Variants in SRPK2 observed in about 807,000 individuals in gnomAD.
The protein encoded by SRPK2 is SFRS protein kinase 2.
SRPK2 carries 21 observed loss-of-function variants against 90.8 expected under a neutral mutation model. That is an observed-to-expected ratio of 0.23 (90% CI 0.16 to 0.33). The LOEUF (loss-of-function observed/expected upper bound fraction) is 0.33. Among genes scored for constraint, SRPK2 ranks in the 10% least tolerant of loss-of-function variants. The pLI is 1.00. For synonymous variants in SRPK2, 288 were observed against 311.1 expected, an observed-to-expected ratio of 0.93 and a Z score of 0.78; for missense variants, 620 against 869.0, an observed-to-expected ratio of 0.71 and a Z score of 3.60.
At chr7:105,371,611 T>C (rs576657193) in intron 2 of SRPK2, among the ~76,000 whole-genome samples, 32 of 141,666 alleles carry the variant, frequency 2.3e-4, no homozygotes, top group South Asian at 2.0e-3. Flanking sequence ...AAAACACTAG[T>C]CAGGTATGGT....
chr7:105,299,315 G>A (rs1243651370), intron 2 of SRPK2, among the ~76,000 whole-genome samples: 2 of 152,150 alleles, frequency 1.3e-5, no homozygotes, highest in Non-Finnish European at 2.9e-5. Flanking sequence ...ATTATGAGTG[G>A]AGTCAGGTGG....
rs1821992552 is a variant in SRPK2, at chr7:105,388,885, T to G, written c.-79A>C. The G allele has an allele frequency of 8.0e-7, 1 of 1,242,332 alleles. No individual in the cohort carries two copies. The highest frequency in any genetic ancestry group is 1.0e-6 in the Non-Finnish European group (1 of 996,832). The allele number at this position is 1,242,332 out of a possible 1,614,324, so 77.0% of individuals were successfully genotyped here. A position where few individuals can be genotyped will look rare whatever the true frequency, so the allele number is the denominator to read the frequency against. ...AGACGAGCTGGGCTGCAGCCTCCACTCGCTCCGCCGGCCGGGAGGAGACGA... is the reference window on the plus strand; with the variant it reads ...AGACGAGCTGGGCTGCAGCCTCCACGCGCTCCGCCGGCCGGGAGGAGACGA... On this transcript the variant is annotated 5_prime_UTR_variant, in exon 1 of 16. Coordinates refer to ENST00000393651, the MANE Select transcript of SRPK2 (RefSeq NM_182692.3).
chr7:105,241,720 A>T (rs1800839555), intron 2 of SRPK2, among the ~76,000 whole-genome samples: 2 of 152,140 alleles, frequency 1.3e-5, no homozygotes, highest in Non-Finnish European at 2.9e-5. Flanking sequence ...GGAAACCATG[A>T]TTCTGTGCAG....
At chr7:105,247,521 CACACACATAA>C (rs929943909) in intron 2 of SRPK2, among the ~76,000 whole-genome samples, 25 of 118,940 alleles carry the variant, frequency 2.1e-4, no homozygotes, top group African/African-American at 7.6e-4. Context: ...AAAAAACACA[CACACACATAA>C]ACACACACAC....
chr7:105,297,386 A>G, intron 2 of SRPK2: 1 of 834,628 alleles, frequency 1.2e-6, no homozygotes, highest in South Asian at 5.5e-5. Flanking sequence ...GAATACAGCT[A>G]TCACGTTTTC....
Position 105,190,317 on chromosome 7 carries a change from A to G in SRPK2, c.229+13311T>C, listed in dbSNP as rs193053446. On this transcript the variant is annotated intron_variant, in intron 3 of 15. Coordinates refer to ENST00000393651, the MANE Select transcript of SRPK2 (RefSeq NM_182692.3). ...GAATGTGTTCAGGAATGTGTCATTC[A>G]GAATAACACCACGGCTGCCATCTCA... 1.7e-3 allele frequency among the ~76,000 whole-genome samples: 263 copies of G among 152,356 alleles called. 2 individuals carry two copies. The highest frequency in any genetic ancestry group is 0.013 in the East Asian group (65 of 5,196).
At chr7:105,241,458 T>A (rs144837748) in intron 2 of SRPK2, among the ~76,000 whole-genome samples, 18 of 152,262 alleles carry the variant, frequency 1.2e-4, no homozygotes, top group African/African-American at 4.3e-4. Flanking sequence ...TTGTCCCTCA[T>A]ACCATCCACC....
intron 2 of SRPK2, chr7:105,298,660 G>T: frequency 1.1e-6 from 1 of 909,204 alleles, no homozygotes; most frequent in Non-Finnish European, 1.3e-6. Flanking sequence ...AGGCCCCATA[G>T]GATAGCATGG....
chr7:105,361,172 T>C (rs1818377844), intron 2 of SRPK2, among the ~76,000 whole-genome samples: 1 of 152,132 alleles, frequency 6.6e-6, no homozygotes. Context: ...CTTATACACC[T>C]ATATACCAAT....
chr7:105,261,022 T>TAAAAAAAAAA (rs72277307), intron 2 of SRPK2, among the ~76,000 whole-genome samples: 18 of 115,974 alleles, frequency 1.6e-4, no homozygotes, highest in Non-Finnish European at 2.1e-4. Context: ...CCCTAGAAAT[T>TAAAAAAAAAA]AAAAAAAAAA....
At chr7:105,370,774 CCTGA>C (rs1819608231) in intron 2 of SRPK2, among the ~76,000 whole-genome samples, 1 of 151,822 alleles carries the variant, frequency 6.6e-6, no homozygotes, top group Admixed American at 6.6e-5. Context: ...CACCATCAAG[CCTGA>C]CTAATTTTTT....
chr7:105,157,822 T>C (rs1179220128), intron 7 of SRPK2, among the ~76,000 whole-genome samples: 1 of 151,996 alleles, frequency 6.6e-6, no homozygotes, highest in Non-Finnish European at 1.5e-5. Flanking sequence ...CCTAGCAACT[T>C]TGGGAGGCTG....
At chr7:105,187,426 G>T (rs1002795274) in intron 3 of SRPK2, among the ~76,000 whole-genome samples, 1 of 152,100 alleles carries the variant, frequency 6.6e-6, no homozygotes, top group African/African-American at 2.4e-5. Flanking sequence ...AAATTTCACC[G>T]AATAATCTGC....
chr7:105,324,721 T>C (rs1813366436), intron 2 of SRPK2, among the ~76,000 whole-genome samples: 1 of 152,056 alleles, frequency 6.6e-6, no homozygotes, highest in Non-Finnish European at 1.5e-5. Context: ...ACCCCGTCTC[T>C]ACTAAAAATA....
chr7:105,244,203 G>A (rs1801247044), intron 2 of SRPK2, among the ~76,000 whole-genome samples: 1 of 152,190 alleles, frequency 6.6e-6, no homozygotes. Context: ...GGGTAAAACC[G>A]CTATAAAAAG....
downstream of SRPK2, among the ~76,000 whole-genome samples, chr7:105,114,925 TTGTC>T (rs1257282735): frequency 6.6e-6 from 1 of 152,218 alleles, no homozygotes; most frequent in Non-Finnish European, 1.5e-5. Context: ...AAAGAAACAT[TTGTC>T]TGAGAAGAAA....
intron 9 of SRPK2, 52 bp from the exon 10 acceptor site, chr7:105,143,382 A>G (rs1477154945): frequency 1.3e-6 from 2 of 1,578,988 alleles, no homozygotes; most frequent in Middle Eastern, 1.7e-4. Flanking sequence ...AAGCACCACG[A>G]TAGTATAACG....
At chr7:105,146,008 T>A (rs1346040811) in intron 8 of SRPK2, among the ~76,000 whole-genome samples, 2 of 151,992 alleles carry the variant, frequency 1.3e-5, no homozygotes, top group Non-Finnish European at 2.9e-5. Flanking sequence ...GCCCCAGAAA[T>A]AAAGATATCC....
intron 2 of SRPK2, among the ~76,000 whole-genome samples, chr7:105,236,819 C>T (rs913699687): frequency 1.3e-5 from 2 of 152,102 alleles, no homozygotes; most frequent in Non-Finnish European, 2.9e-5. Context: ...AAAAGTGTCT[C>T]AAGATTTTCA....
Sources: gnomAD v4.1 joint callset for allele counts (sites outside exome capture counted in the v4.1 genomes callset) on GRCh38, gnomAD v4.1.1 for gene constraint, MANE v1.5 for transcripts, NCBI Gene and HGNC (gene_info 2026-07-23, HGNC 2026-07-21) for gene names.